The following FBXO42 variants were observed in gnomAD, a reference collection of about 807,000 sequenced individuals.
FBXO42 encodes the protein F-box protein 42.
FBXO42 carries 12 observed loss-of-function variants against 71.7 expected under a neutral mutation model. The ratio of observed to expected loss-of-function variants is 0.17; its 90% confidence interval spans 0.11 to 0.27. The LOEUF (loss-of-function observed/expected upper bound fraction) is 0.27, where lower values mean the gene tolerates loss of function less well. Ranked by LOEUF, FBXO42 falls within the 10% of genes least tolerant of loss-of-function variation. The pLI, the probability that FBXO42 is intolerant of heterozygous loss-of-function variation, is 1.00. For synonymous variants in FBXO42, 325 were observed against 327.5 expected, an observed-to-expected ratio of 0.99 and a Z score of 0.08; for missense variants, 707 against 911.9, an observed-to-expected ratio of 0.78 and a Z score of 2.89.
chr1:16,302,755 C>G lies in FBXO42; in HGVS notation c.367+3048G>C, dbSNP rs565303907. 2.0e-3 allele frequency among the ~76,000 whole-genome samples: 303 copies of G among 152,342 alleles called. 2 individuals are homozygous for G. Among genetic ancestry groups the G allele is most frequent in the African/African-American group, 7.0e-3 (289 of 41,578 alleles). ...AAACTCCTGACCTCAAGTGATCCGC[C>G]CTCCTCAGCCTCCCAAAGTGCTGGG... is the stretch of plus-strand genomic sequence containing the variant. On this transcript the variant is annotated intron_variant, in intron 3 of 9. Coordinates refer to ENST00000375592, the MANE Select transcript of FBXO42 (RefSeq NM_018994.3).
At chr1:16,326,085 C>T (rs1443784186) in intron 1 of FBXO42, among the ~76,000 whole-genome samples, 2 of 119,316 alleles carry the variant, frequency 1.7e-5, no homozygotes, top group East Asian at 2.6e-4. Context: ...GATGGAATTT[C>T]GCTCTTGTTG....
chr1:16,313,298 G>GAGAA (rs755048090), intron 2 of FBXO42, among the ~76,000 whole-genome samples: 3 of 142,030 alleles, frequency 2.1e-5, no homozygotes, highest in South Asian at 2.2e-4. Context: ...AAGAAAGAGA[G>GAGAA]AGAAAGAAAG....
At chr1:16,254,181 C>G (rs982013281) in intron 6 of FBXO42, among the ~76,000 whole-genome samples, 6 of 152,204 alleles carry the variant, frequency 3.9e-5, no homozygotes, top group African/African-American at 1.4e-4. Context: ...TGAGCCACGT[C>G]TGCGGCCAGA....
chr1:16,265,561 C>G (rs2081762307), intron 4 of FBXO42, among the ~76,000 whole-genome samples: 2 of 151,734 alleles, frequency 1.3e-5, no homozygotes, highest in South Asian at 4.2e-4. Context: ...GCAGGTATTA[C>G]TAGCCTCATT....
Position 16,251,811 on chromosome 1 carries a change from C to T in FBXO42, c.1039-26G>A. On this transcript the variant is annotated intron_variant, in intron 9 of 9. Coordinates refer to ENST00000375592, the MANE Select transcript of FBXO42 (RefSeq NM_018994.3). The surrounding 1 kb of genome is among the most constrained non-coding windows in gnomAD (Gnocchi z 4.5). ...CTGGAAGACAAAGGACCAGTGCTCA[C>T]ACTCTTCTATGATTCTGATTGTTCA... 1 of 1,595,170 alleles carries T rather than the reference C, an allele frequency of 6.3e-7. No individual in the cohort carries two copies. Among genetic ancestry groups the T allele is most frequent in the Admixed American group, 1.7e-5 (1 of 57,854 alleles).
rs2081579921 is a variant in FBXO42, at chr1:16,250,486, T to C, written c.*184A>G. 1.1e-5 allele frequency: 2 copies of C among 177,328 alleles called. No homozygotes were observed. Among genetic ancestry groups the C allele is most frequent in the Non-Finnish European group, 2.3e-5 (2 of 85,154 alleles). The allele number at this position is 177,328 out of a possible 1,614,324, so 11.0% of individuals were successfully genotyped here. On this transcript the variant is annotated 3_prime_UTR_variant, in exon 10 of 10. Transcript: ENST00000375592. The surrounding 1 kb of genome is among the most constrained non-coding windows in gnomAD (Gnocchi z 4.7). ...GAGTTGGCTATATAATATATATATATATATTTATATATAATTTTTTTTCTT... is the reference window on the plus strand; with the variant it reads ...GAGTTGGCTATATAATATATATATACATATTTATATATAATTTTTTTTCTT...
rs778488633 is a variant in FBXO42 at position 16,253,600 on chromosome 1, G to A, written c.864+35C>T. ...CCCGTCCTAACTGAAAGACGCTACA[G>A]TGTTTGCTGAATAGTTATTTTAATT... On this transcript the variant is annotated intron_variant, in intron 7 of 9. Transcript: ENST00000375592. 3.1e-6 allele frequency: 5 copies of A among 1,597,938 alleles called. No homozygotes were observed. In the East Asian group the frequency reaches 1.1e-4, roughly 36 times the overall value.
chr1:16,282,537 T>TAAA (rs35509397), intron 4 of FBXO42, among the ~76,000 whole-genome samples: 5 of 146,706 alleles, frequency 3.4e-5, no homozygotes, highest in African/African-American at 1.3e-4. Context: ...TTTTCTCTTT[T>TAAA]AAAAAAAAAA....
rs1199859917 is a variant in FBXO42 at position 16,248,255 on chromosome 1, G to A, written c.*2415C>T. On this transcript the variant is annotated 3_prime_UTR_variant, in exon 10 of 10. Coordinates refer to ENST00000375592, the MANE Select transcript of FBXO42 (RefSeq NM_018994.3). ...TCACTGTGTTGAATCACTTTCCCAT[G>A]GTACACGCCCACAGTGCCCAGGAGC... 2 of 152,224 alleles carry A rather than the reference G, an allele frequency of 1.3e-5. No individual in the cohort carries two copies. Among genetic ancestry groups the A allele is most frequent in the East Asian group, 3.9e-4 (2 of 5,182 alleles). 9.4% of individuals were successfully genotyped at this position (152,224 alleles called of 1,614,324 possible). A position where few individuals can be genotyped will look rare whatever the true frequency, so the allele number is the denominator to read the frequency against.
At chr1:16,310,479 C>T (rs1048250619) in intron 2 of FBXO42, among the ~76,000 whole-genome samples, 2 of 152,026 alleles carry the variant, frequency 1.3e-5, no homozygotes, top group African/African-American at 4.8e-5. Context: ...TGCAGTGAGC[C>T]CTGATCACGC....
At chr1:16,277,308 A>G (rs1307711403) in intron 4 of FBXO42, among the ~76,000 whole-genome samples, 1 of 152,270 alleles carries the variant, frequency 6.6e-6, no homozygotes, top group Non-Finnish European at 1.5e-5. Context: ...AAATGTATAA[A>G]GTGCTTAGTG....
At chr1:16,287,830 T>C (rs1481235552) in intron 4 of FBXO42, among the ~76,000 whole-genome samples, 1 of 151,980 alleles carries the variant, frequency 6.6e-6, no homozygotes, top group Non-Finnish European at 1.5e-5. Context: ...ATGCCTGTAA[T>C]CCCAGCACTT....
intron 3 of FBXO42, among the ~76,000 whole-genome samples, chr1:16,301,183 G>A (rs2082189765): frequency 6.6e-6 from 1 of 151,954 alleles, no homozygotes; most frequent in Non-Finnish European, 1.5e-5. Context: ...ACAGGGGTGA[G>A]CCTCTGCACC....
At chr1:16,333,710 G>A (rs751451272) in intron 1 of FBXO42, among the ~76,000 whole-genome samples, 3 of 152,190 alleles carry the variant, frequency 2.0e-5, no homozygotes, top group African/African-American at 7.2e-5. Flanking sequence ...GCACAGCCAC[G>A]AGTTTGCTTT....
intron 4 of FBXO42, among the ~76,000 whole-genome samples, chr1:16,278,779 C>CT (rs911741326): frequency 1.8e-4 from 27 of 150,894 alleles, no homozygotes; most frequent in Admixed American, 8.0e-4. Flanking sequence ...CTCTTTTTTT[C>CT]TTTTTTTTTG....
At position 16,250,919 on chromosome 1, in the gene FBXO42, T is replaced by C. The variant is rs779648564; in HGVS notation, c.1905A>G (p.Leu635=). Residue 635 remains leucine, a synonymous_variant, in exon 10 of 10, where the codon CTA becomes CTG. Coordinates refer to ENST00000375592, the MANE Select transcript of FBXO42 (RefSeq NM_018994.3). The surrounding 1 kb of genome is among the most constrained non-coding windows in gnomAD (Gnocchi z 4.7). ...TGGGCTTGCAGTTCATACTCTGGTA[T>C]AGGGGTTTGCCAACATTTAGGGACT... ...PPQSLNVGKP[L]YQSMNCKPMQ... The C allele has an allele frequency of 1.2e-6, 2 of 1,614,178 alleles. No individual in the cohort carries two copies. Among genetic ancestry groups the C allele is most frequent in the Middle Eastern group, 1.6e-4 (1 of 6,062 alleles).
intron 2 of FBXO42, among the ~76,000 whole-genome samples, chr1:16,311,501 AAAATATATAT>A (rs2082312705): frequency 1.6e-5 from 1 of 62,368 alleles, no homozygotes; most frequent in Non-Finnish European, 3.6e-5. Flanking sequence ...AAAAAAAAAA[AAAATATATAT>A]ATATATATAT....
chr1:16,273,612 G>A (rs958669089), intron 4 of FBXO42, among the ~76,000 whole-genome samples: 4 of 152,068 alleles, frequency 2.6e-5, no homozygotes, highest in Admixed American at 6.6e-5. Context: ...CGGGCATGGT[G>A]GCTTATGCCT....
intron 4 of FBXO42, among the ~76,000 whole-genome samples, chr1:16,268,315 C>G (rs6672772): frequency 0.35 from 53,116 of 152,134 alleles, 9,738 homozygotes; most frequent in African/African-American, 0.41. Context: ...CCAGATCTGT[C>G]CTATACAAAT....
Sources: gnomAD v4.1 joint callset for allele counts (sites outside exome capture counted in the v4.1 genomes callset) on GRCh38, gnomAD v4.1.1 for gene constraint, Gnocchi (gnomAD v3.1) non-coding constraint, MANE v1.5 for transcripts, NCBI Gene and HGNC (gene_info 2026-07-23, HGNC 2026-07-21) for gene names.